MED12L: variants seen among roughly 807,000 people sequenced by gnomAD.
MED12L encodes mediator complex subunit 12L.
Under a neutral mutation model 281.3 loss-of-function variants are expected in MED12L, and 60 were observed. The observed-to-expected ratio is 0.21, with a 90% confidence interval of 0.17 to 0.26. MED12L has a LOEUF of 0.26. Among genes scored for constraint, MED12L ranks in the 10% least tolerant of loss-of-function variants. The pLI is 1.00. For synonymous variants in MED12L, 974 were observed against 987.2 expected (o/e 0.99, Z 0.25); for missense variants, 2,146 against 2,680.9 (o/e 0.80, Z 4.41).
At chr3:151,144,117 C>T (rs1478300764) in intron 5 of MED12L, among the ~76,000 whole-genome samples, 4 of 151,818 alleles carry the variant, frequency 2.6e-5, no homozygotes, top group Non-Finnish European at 5.9e-5. Context: ...AGGAAGCCCC[C>T]GAAACTGTAG....
intron 16 of MED12L, among the ~76,000 whole-genome samples, chr3:151,210,089 A>C (rs534495198): frequency 2.0e-5 from 3 of 152,298 alleles, no homozygotes; most frequent in Admixed American, 2.0e-4. Context: ...TGGTAGCCAG[A>C]TGAAAGAAGT....
At chr3:151,180,157 G>A (rs1266924028) in intron 11 of MED12L, among the ~76,000 whole-genome samples, 8 of 152,162 alleles carry the variant, frequency 5.3e-5, no homozygotes, top group Non-Finnish European at 1.0e-4. Context: ...TTTTTTAAAA[G>A]CTCAGTCTTT....
chr3:151,211,101 A>T (rs1048569076), intron 16 of MED12L, among the ~76,000 whole-genome samples: 2 of 152,196 alleles, frequency 1.3e-5, no homozygotes, highest in Non-Finnish European at 2.9e-5. Context: ...GTTACTCTGG[A>T]CCTGAAAGTT....
chr3:151,242,152 A>G (rs549793311), intron 16 of MED12L, among the ~76,000 whole-genome samples: 9 of 152,278 alleles, frequency 5.9e-5, no homozygotes, highest in Non-Finnish European at 1.3e-4. Context: ...GATTGCTAGC[A>G]CAGCAGTCTG....
At chr3:151,108,797 ATG>A (rs1204982175) in intron 2 of MED12L, among the ~76,000 whole-genome samples, 9 of 152,104 alleles carry the variant, frequency 5.9e-5, no homozygotes, top group African/African-American at 2.2e-4. Context: ...TGTCTGTAGT[ATG>A]TATTTGTGTG....
chr3:151,121,816 A>G lies in MED12L; in HGVS notation c.205-967A>G, dbSNP rs145943422. ...CTGCAACCTCTGGCTCCTGGGTTCAAGTGATTCTCATGCCTCAGCCTCCCG... is the reference window on the plus strand; with the variant it reads ...CTGCAACCTCTGGCTCCTGGGTTCAGGTGATTCTCATGCCTCAGCCTCCCG... On this transcript the variant is annotated intron_variant, in intron 3 of 44. Coordinates refer to ENST00000687756, the MANE Select transcript of MED12L (RefSeq NM_001393769.1). 5.1e-4 allele frequency among the ~76,000 whole-genome samples: 78 copies of G among 151,970 alleles called. 1 individual carries two copies. The highest frequency in any genetic ancestry group is 1.8e-3 in the African/African-American group (73 of 41,428).
intron 30 of MED12L, among the ~76,000 whole-genome samples, 154 bp downstream of exon 30, chr3:151,377,332 G>A (rs1202314061): frequency 6.6e-6 from 1 of 152,178 alleles, no homozygotes. Flanking sequence ...AATGAGTAAA[G>A]CTGGGGTGAA....
At chr3:151,427,419 A>G (rs1718999089) in intron 43 of MED12L, among the ~76,000 whole-genome samples, 1 of 152,146 alleles carries the variant, frequency 6.6e-6, no homozygotes, top group South Asian at 2.1e-4. Context: ...ACACACACGC[A>G]TACATGTGTA....
intron 16 of MED12L, among the ~76,000 whole-genome samples, chr3:151,247,415 A>G (rs1453256804): frequency 2.0e-5 from 3 of 152,050 alleles, no homozygotes; most frequent in Non-Finnish European, 2.9e-5. Flanking sequence ...CATGTACACC[A>G]TGGAATACTA....
chr3:151,341,247 T>C (rs1312977774), intron 16 of MED12L, among the ~76,000 whole-genome samples: 2 of 152,152 alleles, frequency 1.3e-5, no homozygotes, highest in East Asian at 3.9e-4. Context: ...ATTTTAAACC[T>C]GTGTTTGATT....
chr3:151,205,233 C>T (rs1276082099), intron 16 of MED12L, among the ~76,000 whole-genome samples: 5 of 152,096 alleles, frequency 3.3e-5, no homozygotes, highest in African/African-American at 4.8e-5. Context: ...CACACCCAAG[C>T]GGGAAGAAGT....
rs187033601 is a variant in MED12L at position 151,145,118 on chromosome 3, G to A, written c.557-11043G>A. Among the ~76,000 whole-genome samples, 35 of 152,308 alleles carry A rather than the reference G, an allele frequency of 2.3e-4. No homozygotes were observed. In the East Asian group the frequency reaches 5.0e-3, roughly 22 times the overall value. Reference sequence around the variant, plus strand: ...CTTACTAGCCCTGTTTTACAGGCAAGTAACTGAAGCACCCAGGGGCTGACT... The same window carrying A: ...CTTACTAGCCCTGTTTTACAGGCAAATAACTGAAGCACCCAGGGGCTGACT... On this transcript the variant is annotated intron_variant, in intron 5 of 44. Coordinates refer to ENST00000687756, the MANE Select transcript of MED12L (RefSeq NM_001393769.1).
In MED12L at chr3:151,338,322, C is replaced by T. The variant is rs1577367042; in HGVS notation, c.2251-11737C>T. The stretch of plus-strand genomic sequence containing the variant: ...ACCGAACTCTGATTTAAGGAAAGAG[C>T]ATTTCTTCACATTCTTGTCTCTCGG... On this transcript the variant is annotated intron_variant, in intron 16 of 44. Coordinates refer to ENST00000687756, the MANE Select transcript of MED12L (RefSeq NM_001393769.1). 6.2e-7 allele frequency: 1 copy of T among 1,614,056 alleles called. No individual in the cohort carries two copies. Among genetic ancestry groups the T allele is most frequent in the Non-Finnish European group, 8.5e-7 (1 of 1,179,982 alleles).
At chr3:151,342,473 A>G (rs924183367) in intron 16 of MED12L, among the ~76,000 whole-genome samples, 1 of 152,222 alleles carries the variant, frequency 6.6e-6, no homozygotes, top group African/African-American at 2.4e-5. Context: ...GGAACTTGCT[A>G]GAAATGCACA....
chr3:151,409,279 C>A lies in MED12L; in HGVS notation c.5857C>A (p.Gln1953Lys). The A allele has an allele frequency of 6.2e-7, 1 of 1,611,994 alleles. No homozygotes were observed. The highest frequency in any genetic ancestry group is 8.5e-7 in the Non-Finnish European group (1 of 1,179,444). The change falls in exon 40 of 45, where the codon CAA (glutamine) becomes AAA (lysine). Residue 1953 changes from glutamine (Q) to lysine (K), a missense_variant. Coordinates refer to ENST00000687756, the MANE Select transcript of MED12L (RefSeq NM_001393769.1). Reference protein sequence around the residue: ...PGDQAALFAAQARPSPQLPQY... With the variant: ...PGDQAALFAAKARPSPQLPQY... The stretch of plus-strand genomic sequence containing the variant: ...GGACCAGGCTGCTCTCTTTGCTGCG[C>A]AAGCACGGCCCTCCCCTCAGCTCCC...
At chr3:151,241,103 T>A (rs1226872138) in intron 16 of MED12L, among the ~76,000 whole-genome samples, 1 of 152,076 alleles carries the variant, frequency 6.6e-6, no homozygotes, top group Non-Finnish European at 1.5e-5. Context: ...GAAGTGTTAG[T>A]TAGAAGTCTT....
chr3:151,177,984 T>C (rs879901290), intron 11 of MED12L, among the ~76,000 whole-genome samples: 13 of 151,820 alleles, frequency 8.6e-5, no homozygotes, highest in Non-Finnish European at 1.5e-4. Context: ...CTTGTTCTTA[T>C]GTATCTCATT....
At chr3:151,124,629 A>C (rs1576778033) in intron 4 of MED12L, among the ~76,000 whole-genome samples, 1 of 152,298 alleles carries the variant, frequency 6.6e-6, no homozygotes, top group East Asian at 1.9e-4. Context: ...GCCTGGGTTT[A>C]CTTGCTAAGA....
intron 11 of MED12L, among the ~76,000 whole-genome samples, chr3:151,178,532 CAG>C: frequency 6.6e-6 from 1 of 152,288 alleles, no homozygotes; most frequent in East Asian, 1.9e-4. Context: ...GAGGGAAGGA[CAG>C]AGTTACCTAC....
Sources: allele counts gnomAD v4.1 joint callset (sites outside exome capture counted in the v4.1 genomes callset), GRCh38; gene constraint gnomAD v4.1.1; transcripts MANE v1.5; gene names NCBI Gene and HGNC (gene_info 2026-07-23, HGNC 2026-07-21).